The following ABL2 variants were observed in gnomAD, a reference collection of about 807,000 sequenced individuals.
ABL2 encodes the protein tyrosine-protein kinase ABL2.
Under a neutral mutation model 107.7 loss-of-function variants are expected in ABL2, and 49 were observed. The ratio of observed to expected loss-of-function variants is 0.45; its 90% CI spans 0.36 to 0.58. ABL2 has a LOEUF of 0.58. ABL2 is among the 20% of genes least tolerant of loss of function. The probability of loss-of-function intolerance (pLI) is 0.00; values close to 1 mark genes in which losing one functional copy is unlikely to be tolerated. For missense variants in ABL2, 1,245 were observed against 1,457.0 expected (o/e 0.85, Z 2.37); for synonymous variants, 549 against 548.6 (o/e 1.00, Z -0.01).
At chr1:179,212,865 G>A (rs113986465) in intron 1 of ABL2, among the ~76,000 whole-genome samples, 3,133 of 151,832 alleles carry the variant, frequency 0.021, 91 homozygotes, top group African/African-American at 0.072. Context: ...TGACCAACAT[G>A]GAGAAACCCT....
intron 4 of ABL2, among the ~76,000 whole-genome samples, chr1:179,123,465 ACT>A (rs1655420349): frequency 6.6e-6 from 1 of 152,150 alleles, no homozygotes; most frequent in Admixed American, 6.5e-5. Context: ...AGATCACGCC[ACT>A]GCATTCTAGA....
At chr1:179,124,464 CTTTTT>C (rs562899587) in intron 4 of ABL2, among the ~76,000 whole-genome samples, 2 of 83,350 alleles carry the variant, frequency 2.4e-5, no homozygotes, top group African/African-American at 5.3e-5. Context: ...TTAGCTTCTG[CTTTTT>C]TTTTTTTTTT....
chr1:179,221,529 T>G (rs1054496972), intron 1 of ABL2: 5 of 152,620 alleles, frequency 3.3e-5, no homozygotes, highest in African/African-American at 1.2e-4. Context: ...AGGTGGAGGC[T>G]GCAGTGAGCC....
intron 1 of ABL2, among the ~76,000 whole-genome samples, chr1:179,162,004 G>A (rs191178321): frequency 1.2e-3 from 186 of 152,142 alleles, no homozygotes; most frequent in Middle Eastern, 0.01. Context: ...GACAGATGCC[G>A]GCCCGTTGAT....
intron 1 of ABL2, among the ~76,000 whole-genome samples, chr1:179,188,640 GTAAA>G (rs766351847): frequency 1.3e-5 from 2 of 152,158 alleles, no homozygotes; most frequent in African/African-American, 4.8e-5. Context: ...ACATTGTATA[GTAAA>G]TAAATATTTA....
chr1:179,171,975 G>C (rs762691229), intron 1 of ABL2, among the ~76,000 whole-genome samples: 3 of 151,896 alleles, frequency 2.0e-5, no homozygotes, highest in African/African-American at 7.3e-5. Flanking sequence ...ATTTCCCCAA[G>C]AACAAAAGGG....
intron 1 of ABL2, among the ~76,000 whole-genome samples, chr1:179,222,796 C>T (rs906477794): frequency 6.6e-6 from 1 of 151,650 alleles, no homozygotes. Flanking sequence ...TTTAAAATAC[C>T]TTTAAAATAA....
intron 3 of ABL2, 31 bp downstream of exon 3, chr1:179,131,280 A>G: frequency 6.3e-7 from 1 of 1,599,110 alleles, no homozygotes. Flanking sequence ...TGAAAACTGA[A>G]AAGTGAAAGG....
At chr1:179,136,621 CTTGT>C (rs890888539) in intron 1 of ABL2, among the ~76,000 whole-genome samples, 1 of 149,018 alleles carries the variant, frequency 6.7e-6, no homozygotes, top group African/African-American at 2.4e-5. Context: ...CCTTTGTTCA[CTTGT>C]TTATCTGCTG....
At chr1:179,178,761 G>T (rs981817996) in intron 1 of ABL2, among the ~76,000 whole-genome samples, 1 of 150,930 alleles carries the variant, frequency 6.6e-6, no homozygotes, top group Admixed American at 6.6e-5. Flanking sequence ...GTGGTGGGCT[G>T]GGGGGGGTGC....
rs77575026 is a variant in ABL2 at position 179,145,521 on chromosome 1, A to G, written c.158-12147T>C. On this transcript the variant is annotated intron_variant, in intron 1 of 11. Transcript: ENST00000502732. ...CTATTTTCAAAAAAGAATTAAGAAG[A>G]TAAGAGTAGCATTTTCAGTTTTTGC... Among the ~76,000 whole-genome samples the G allele has an allele frequency of 8.6e-3, 1,317 of 152,364 alleles. 19 individuals carry two copies. The highest frequency in any genetic ancestry group is 0.03 in the African/African-American group (1,232 of 41,574).
At chr1:179,127,627 G>T (rs1255083438) in intron 3 of ABL2, among the ~76,000 whole-genome samples, 1 of 152,172 alleles carries the variant, frequency 6.6e-6, no homozygotes, top group African/African-American at 2.4e-5. Context: ...CTAATCTAAA[G>T]AATCCTTGTA....
chr1:179,214,519 CAT>C (rs59744061), intron 1 of ABL2, among the ~76,000 whole-genome samples: 14,479 of 121,828 alleles, frequency 0.12, 897 homozygotes, highest in African/African-American at 0.2. Flanking sequence ...TTTAAAATGA[CAT>C]ATATATATAT....
chr1:179,110,721 C>G (rs901913464), intron 10 of ABL2: 11 of 1,609,258 alleles, frequency 6.8e-6, no homozygotes, highest in Admixed American at 1.7e-5. Flanking sequence ...CACCTGTTCT[C>G]CTCTTGATGG....
intron 10 of ABL2, 148 bp from the exon 11 acceptor site, chr1:179,110,603 T>C (rs1426627866): frequency 6.7e-6 from 10 of 1,500,536 alleles, no homozygotes; most frequent in Middle Eastern, 2.4e-4. Flanking sequence ...TACTCTTTTG[T>C]CTGGCTTCTT....
At chr1:179,133,104 G>A (rs543708414) in intron 2 of ABL2, among the ~76,000 whole-genome samples, 3 of 152,026 alleles carry the variant, frequency 2.0e-5, no homozygotes, top group African/African-American at 4.8e-5. Flanking sequence ...TGATCTGCCC[G>A]CCTTGGCCTC....
intron 1 of ABL2, among the ~76,000 whole-genome samples, chr1:179,134,352 C>A (rs1221409585): frequency 9.2e-5 from 14 of 152,142 alleles, no homozygotes. Context: ...TTGAGACCAG[C>A]CTGATCAACA....
chr1:179,219,892 T>C (rs1048325248), intron 1 of ABL2, among the ~76,000 whole-genome samples: 1 of 152,276 alleles, frequency 6.6e-6, no homozygotes, highest in African/African-American at 2.4e-5. Flanking sequence ...ACAACTCATA[T>C]AATCTTCACA....
chr1:179,143,838 A>G (rs1345556794), intron 1 of ABL2, among the ~76,000 whole-genome samples: 1 of 152,116 alleles, frequency 6.6e-6, no homozygotes, highest in Admixed American at 6.5e-5. Flanking sequence ...CTGCGATTAC[A>G]GGCGCCCGCC....
Sources: gnomAD v4.1 joint callset for allele counts (sites outside exome capture counted in the v4.1 genomes callset) on GRCh38, gnomAD v4.1.1 for gene constraint, MANE v1.5 for transcripts, NCBI Gene and HGNC (gene_info 2026-07-23, HGNC 2026-07-21) for gene names.